The following FARP1 variants were observed in gnomAD, a reference collection of about 807,000 sequenced individuals.
FARP1 encodes the protein FERM, ARHGEF and pleckstrin domain-containing protein 1.
In FARP1, 52 loss-of-function variants were observed where a neutral mutation model predicts 128.8. That is an observed-to-expected ratio of 0.40 (90% CI 0.32 to 0.51). The LOEUF (loss-of-function observed/expected upper bound fraction) is 0.51, where lower values mean the gene tolerates loss of function less well. FARP1 is among the 20% of genes least tolerant of loss of function. FARP1 has a pLI of 0.45. For synonymous variants in FARP1, 580 were observed against 551.8 expected, an observed-to-expected ratio of 1.05 and a Z score of -0.72; for missense variants, 1,333 against 1,367.9, an observed-to-expected ratio of 0.97 and a Z score of 0.40.
At chr13:98,277,444 T>G (rs1244971504) in intron 2 of FARP1, among the ~76,000 whole-genome samples, 2 of 152,192 alleles carry the variant, frequency 1.3e-5, no homozygotes, top group Non-Finnish European at 2.9e-5. Context: ...GCTGGTTTTA[T>G]ACCATGCCTG....
intron 1 of FARP1, among the ~76,000 whole-genome samples, chr13:98,156,181 A>G (rs1876485553): frequency 6.6e-6 from 1 of 152,184 alleles, no homozygotes; most frequent in Non-Finnish European, 1.5e-5. Flanking sequence ...GTTTTTTAAG[A>G]TTTGGAATTT....
intron 2 of FARP1, among the ~76,000 whole-genome samples, chr13:98,262,851 G>A (rs569710004): frequency 7.3e-4 from 111 of 152,126 alleles, no homozygotes; most frequent in Non-Finnish European, 1.0e-3. Flanking sequence ...TGGAGGTATC[G>A]GGCCTGTTTT....
chr13:98,431,362 G>C (rs1414854559), intron 18 of FARP1, 82 bp downstream of exon 18: 6 of 920,638 alleles, frequency 6.5e-6, no homozygotes, highest in Non-Finnish European at 9.7e-6. Flanking sequence ...AGCCAGGGAG[G>C]GGCTCCCCGG....
At position 98,200,397 on chromosome 13, in the gene FARP1, C is replaced by A. The variant is rs867228041; in HGVS notation, c.-23-12823C>A. 5.6e-5 allele frequency among the ~76,000 whole-genome samples: 8 copies of A among 143,512 alleles called. No individual in the cohort carries two copies. The East Asian group carries it at 8.3e-4, about 15-fold the overall frequency. 94.1% of individuals were successfully genotyped at this position (143,512 alleles called of 152,430 possible). ...TGGAATGCAACCTTCACCCCCCCCC[C>A]CTCCCCTTTGTGATTCAGTGGGGCT... On this transcript the variant is annotated intron_variant, in intron 1 of 26. Coordinates refer to ENST00000319562, the MANE Select transcript of FARP1 (RefSeq NM_005766.4).
At chr13:98,435,228 C>T (rs1272767275) in intron 18 of FARP1, among the ~76,000 whole-genome samples, 1 of 152,042 alleles carries the variant, frequency 6.6e-6, no homozygotes, top group Non-Finnish European at 1.5e-5. Context: ...TTCCGAGTAA[C>T]AGGAGGGAAA....
intron 13 of FARP1, chr13:98,397,571 T>C (rs1207434951): frequency 6.6e-6 from 1 of 152,240 alleles, no homozygotes; most frequent in Non-Finnish European, 1.5e-5. Flanking sequence ...TCCTGCATTT[T>C]AGATTAAAGA....
At chr13:98,443,323 C>G (rs1352670314) in intron 24 of FARP1, among the ~76,000 whole-genome samples, 1 of 152,204 alleles carries the variant, frequency 6.6e-6, no homozygotes, top group East Asian at 1.9e-4. Flanking sequence ...AGTCAGGGAC[C>G]TGGGCTGCTC....
At chr13:98,165,659 A>G (rs1476984323) in intron 1 of FARP1, among the ~76,000 whole-genome samples, 1 of 137,794 alleles carries the variant, frequency 7.3e-6, no homozygotes, top group African/African-American at 2.7e-5. Flanking sequence ...TAAGACCTTA[A>G]TATGATAATC....
chr13:98,158,361 C>T (rs1243967922), intron 1 of FARP1, among the ~76,000 whole-genome samples: 1 of 152,210 alleles, frequency 6.6e-6, no homozygotes, highest in Non-Finnish European at 1.5e-5. Context: ...TCTGTCCCTA[C>T]TCTACTATTG....
At chr13:98,285,598 A>G in intron 2 of FARP1, among the ~76,000 whole-genome samples, 1 of 152,192 alleles carries the variant, frequency 6.6e-6, no homozygotes, top group Non-Finnish European at 1.5e-5. Context: ...AAGAATCATC[A>G]TCAGCCCTTT....
At chr13:98,444,052 G>A (rs190353581) in intron 24 of FARP1, among the ~76,000 whole-genome samples, 2 of 152,152 alleles carry the variant, frequency 1.3e-5, no homozygotes, top group East Asian at 3.9e-4. Flanking sequence ...TCCTTTGGGA[G>A]GCCTTGAGGG....
rs191484898 is a variant in FARP1 at position 98,327,995 on chromosome 13, G to A, written c.172-15767G>A. On this transcript the variant is annotated intron_variant, in intron 2 of 26. Transcript: ENST00000319562. ...CCATGCGCACGCGATTGAGATTCACGGTCCCATGTTCAAAACATGGCAGTG... is the reference window on the plus strand; with the variant it reads ...CCATGCGCACGCGATTGAGATTCACAGTCCCATGTTCAAAACATGGCAGTG... Among the ~76,000 whole-genome samples, 88 of 152,234 alleles carry A rather than the reference G, an allele frequency of 5.8e-4. No homozygotes were observed. The South Asian group carries it at 0.013, about 23-fold the overall frequency.
Position 98,453,271 on chromosome 13 carries a change from C to A in FARP1, c.*4954C>A, listed in dbSNP as rs1893286749. The A allele has an allele frequency of 1.3e-6, 2 of 1,518,806 alleles. No individual in the cohort carries two copies. Among genetic ancestry groups the A allele is most frequent in the African/African-American group, 2.8e-5 (2 of 71,546 alleles). The allele number at this position is 1,518,806 out of a possible 1,614,324, so 94.1% of individuals were successfully genotyped here. A position where few individuals can be genotyped will look rare whatever the true frequency, so the allele number is the denominator to read the frequency against. On this transcript the variant is annotated 3_prime_UTR_variant, in exon 27 of 27. Coordinates refer to ENST00000319562, the MANE Select transcript of FARP1 (RefSeq NM_005766.4). ...CATTTCTCATCCCTGTGCAAAAATT[C>A]ATATAGTAACCAAAATCTTAGTTTT...
chr13:98,305,909 A>G (rs1886133778), intron 2 of FARP1, among the ~76,000 whole-genome samples: 1 of 149,806 alleles, frequency 6.7e-6, no homozygotes, highest in Non-Finnish European at 1.5e-5. Flanking sequence ...TTCCCTTTTC[A>G]GTTACCCATT....
At chr13:98,232,145 G>T (rs9556911) in intron 2 of FARP1, among the ~76,000 whole-genome samples, 35,399 of 105,050 alleles carry the variant, frequency 0.34, 6,922 homozygotes, top group African/African-American at 0.54. Flanking sequence ...TGTTTGGTTG[G>T]TTTTTTTTTT....
chr13:98,363,403 T>A (rs547873206), intron 3 of FARP1, among the ~76,000 whole-genome samples: 3 of 152,320 alleles, frequency 2.0e-5, no homozygotes, highest in African/African-American at 7.2e-5. Context: ...TGTTTTGACA[T>A]CTTAAAAGAC....
At chr13:98,177,310 C>T in intron 1 of FARP1, 6 of 1,239,626 alleles carry the variant, frequency 4.8e-6, no homozygotes, top group South Asian at 1.6e-5. Context: ...GCACGTGGGG[C>T]GTGGGCCCTC....
At chr13:98,294,642 C>A (rs1885582884) in intron 2 of FARP1, among the ~76,000 whole-genome samples, 1 of 152,168 alleles carries the variant, frequency 6.6e-6, no homozygotes, top group Non-Finnish European at 1.5e-5. Context: ...GGAGAGAGCA[C>A]TTTAGAGATT....
At chr13:98,302,598 C>T (rs1885969760) in intron 2 of FARP1, among the ~76,000 whole-genome samples, 1 of 152,192 alleles carries the variant, frequency 6.6e-6, no homozygotes, top group Non-Finnish European at 1.5e-5. Context: ...GAATTTTTAC[C>T]TATAACATCG....
Sources: gnomAD v4.1 joint callset for allele counts (sites outside exome capture counted in the v4.1 genomes callset) on GRCh38, gnomAD v4.1.1 for gene constraint, MANE v1.5 for transcripts, NCBI Gene and HGNC (gene_info 2026-07-23, HGNC 2026-07-21) for gene names.